Variants in TRPM6 observed in about 807,000 individuals in gnomAD.
TRPM6 encodes the protein transient receptor potential cation channel subfamily M member 6, also known as channel kinase 2.
Under a neutral mutation model 247.6 loss-of-function variants are expected in TRPM6, and 111 were observed. The observed-to-expected ratio is 0.45, with a 90% confidence interval of 0.38 to 0.52. The LOEUF (loss-of-function observed/expected upper bound fraction) is 0.52, where lower values mean the gene tolerates loss of function less well. TRPM6 is among the 20% of genes least tolerant of loss of function. TRPM6 has a pLI of 0.00. For synonymous variants in TRPM6, 892 were observed against 853.8 expected (o/e 1.04, Z -0.78); for missense variants, 2,126 against 2,421.5 (o/e 0.88, Z 2.56).
chr9:74,866,320 C>T (rs1587597298), intron 1 of TRPM6, among the ~76,000 whole-genome samples: 1 of 151,892 alleles, frequency 6.6e-6, no homozygotes, highest in Non-Finnish European at 1.5e-5. Context: ...ACACTCATAC[C>T]ACGTGTGTAA....
At chr9:74,819,441 C>A (rs1829069510) in intron 9 of TRPM6, among the ~76,000 whole-genome samples, 2 of 152,188 alleles carry the variant, frequency 1.3e-5, no homozygotes, top group South Asian at 4.1e-4. Flanking sequence ...CCCAGAAATT[C>A]AAGGCTGCAG....
chr9:74,865,819 G>A (rs1481908133), intron 1 of TRPM6, among the ~76,000 whole-genome samples: 1 of 152,130 alleles, frequency 6.6e-6, no homozygotes, highest in Non-Finnish European at 1.5e-5. Flanking sequence ...GAAGTGCAGT[G>A]GCTATTCACA....
At chr9:74,750,768 C>T in intron 29 of TRPM6, 46 bp from the exon 30 acceptor site, 1 of 1,567,834 alleles carries the variant, frequency 6.4e-7, no homozygotes, top group East Asian at 2.2e-5. Flanking sequence ...AACATAGTCC[C>T]ACCCCAAGTT....
chr9:74,778,609 T>C (rs1483095425), intron 23 of TRPM6, among the ~76,000 whole-genome samples: 1 of 152,176 alleles, frequency 6.6e-6, no homozygotes, highest in African/African-American at 2.4e-5. Context: ...TCTGGGCCGT[T>C]TGCAGGAGAT....
At chr9:74,884,973 C>A (rs1257507523) in intron 1 of TRPM6, among the ~76,000 whole-genome samples, 1 of 152,174 alleles carries the variant, frequency 6.6e-6, no homozygotes, top group Non-Finnish European at 1.5e-5. Flanking sequence ...GTGCATCAAA[C>A]ATCAAGAGCA....
At chr9:74,818,058 C>A (rs142104741) in intron 9 of TRPM6, among the ~76,000 whole-genome samples, 2 of 152,126 alleles carry the variant, frequency 1.3e-5, no homozygotes, top group African/African-American at 4.8e-5. Flanking sequence ...AAAATCAGTC[C>A]TCAATTGTAC....
At chr9:74,815,200 T>G (rs117743586) in intron 11 of TRPM6, among the ~76,000 whole-genome samples, 1,628 of 151,618 alleles carry the variant, frequency 0.011, 13 homozygotes, top group South Asian at 0.024. Flanking sequence ...CCCAACAAAA[T>G]GGATACAGAG....
chr9:74,832,515 G>A (rs938519560), intron 6 of TRPM6, among the ~76,000 whole-genome samples: 1 of 152,010 alleles, frequency 6.6e-6, no homozygotes, highest in Admixed American at 6.6e-5. Flanking sequence ...ACTTCATTGT[G>A]ATTATATATT....
In TRPM6 at chr9:74,742,552, G is replaced by T; in HGVS notation, c.5200+9C>A. On this transcript the variant is annotated intron_variant, in intron 33 of 38. Coordinates refer to ENST00000360774, the MANE Select transcript of TRPM6 (RefSeq NM_017662.5). ...GGCATAAACTCAAGAAGGTAGAAAT[G>T]CTACTCACCAAACAGTTGGACTGGT... The T allele has an allele frequency of 6.2e-7, 1 of 1,613,044 alleles. No homozygotes were observed. The highest frequency in any genetic ancestry group is 8.5e-7 in the Non-Finnish European group (1 of 1,179,162).
At chr9:74,738,378 G>A (rs377607770) in intron 36 of TRPM6, 29 bp downstream of exon 36, 46 of 1,611,314 alleles carry the variant, frequency 2.9e-5, no homozygotes, top group Middle Eastern at 1.8e-4. Flanking sequence ...CCTCATGCTT[G>A]TTGTATCAAA....
intron 13 of TRPM6, 37 bp from the exon 14 acceptor site, chr9:74,808,211 TTA>T: frequency 6.2e-7 from 1 of 1,613,290 alleles, no homozygotes; most frequent in Non-Finnish European, 8.5e-7. Context: ...TAACTTTTAG[TTA>T]TCTTCTTTCA....
At position 74,755,443 on chromosome 9, in the gene TRPM6, C is replaced by T; in HGVS notation, c.4816G>A (p.Asp1606Asn). 3.1e-6 allele frequency: 5 copies of T among 1,614,144 alleles called. No homozygotes were observed. The highest frequency in any genetic ancestry group is 2.5e-6 in the Non-Finnish European group (3 of 1,180,002). The change falls in exon 28 of 39, where the codon GAC becomes AAC. Residue 1606 changes from aspartate (D) to asparagine (N), a missense_variant. Asp to Asn is a conservative substitution (Grantham distance 23). Coordinates refer to ENST00000360774, the MANE Select transcript of TRPM6 (RefSeq NM_017662.5). The part of the protein sequence containing the change: ...IITVNACSQS[D>N]QLNPEPGENS... ...TCTCCTGGCTCTGGATTCAACTGGT[C>T]ACTCTGAGAGCAGGCATTGACTGTT... is the stretch of plus-strand genomic sequence containing the variant.
intron 1 of TRPM6, among the ~76,000 whole-genome samples, chr9:74,874,255 A>T (rs1042798210): frequency 1.3e-5 from 2 of 152,068 alleles, no homozygotes; most frequent in Non-Finnish European, 2.9e-5. Context: ...AAAAAAAAAA[A>T]AACAAGAATT....
intron 27 of TRPM6, among the ~76,000 whole-genome samples, chr9:74,757,425 G>T (rs1563999727): frequency 6.6e-6 from 1 of 151,714 alleles, no homozygotes; most frequent in South Asian, 2.1e-4. Context: ...AATCAGCTGG[G>T]CGGGGTGGCA....
rs59909667 is a variant in TRPM6 at position 74,783,187 on chromosome 9, T to TAA, written c.2920-336_2920-335dup. Among the ~76,000 whole-genome samples, 1,202 of 147,098 alleles carry TAA rather than the reference T, an allele frequency of 8.2e-3. 10 individuals are homozygous for TAA. The highest frequency in any genetic ancestry group is 0.028 in the African/African-American group (1,146 of 40,364). On this transcript the variant is annotated intron_variant, in intron 21 of 38. Coordinates refer to ENST00000360774, the MANE Select transcript of TRPM6 (RefSeq NM_017662.5). ...CCAGTTGGACCATAGGTTAGGAAAA[T>TAA]AAAAAAAAAAAAATAGGGTATTGTT...
intron 1 of TRPM6, among the ~76,000 whole-genome samples, chr9:74,866,288 T>C (rs1830841657): frequency 6.6e-6 from 1 of 152,212 alleles, no homozygotes; most frequent in Non-Finnish European, 1.5e-5. Flanking sequence ...ACAACTGGAT[T>C]TTGCTCCTTA....
At chr9:74,834,718 C>T (rs1829665649) in intron 5 of TRPM6, among the ~76,000 whole-genome samples, 1 of 143,686 alleles carries the variant, frequency 7.0e-6, no homozygotes, top group Non-Finnish European at 1.5e-5. Context: ...GTCTGGTTTT[C>T]TGTCCTTGCG....
intron 1 of TRPM6, among the ~76,000 whole-genome samples, chr9:74,867,461 A>G (rs555649783): frequency 1.3e-5 from 2 of 152,186 alleles, no homozygotes; most frequent in Non-Finnish European, 2.9e-5. Context: ...CCACATGCAT[A>G]TCTTAGTCTG....
intron 27 of TRPM6, among the ~76,000 whole-genome samples, chr9:74,758,831 GAAGT>G (rs1432588214): frequency 6.6e-6 from 1 of 152,084 alleles, no homozygotes; most frequent in African/African-American, 2.4e-5. Flanking sequence ...TTGAAAGGAA[GAAGT>G]AAAACTATCT....
Sources: allele counts gnomAD v4.1 joint callset (sites outside exome capture counted in the v4.1 genomes callset), GRCh38; gene constraint gnomAD v4.1.1; transcripts MANE v1.5; gene names NCBI Gene and HGNC (gene_info 2026-07-23, HGNC 2026-07-21).